CES1: variants seen among roughly 807,000 people sequenced by gnomAD.
CES1 encodes the protein liver carboxylesterase 1.
In CES1, 50 loss-of-function variants were observed where a neutral mutation model predicts 53.0. The observed-to-expected ratio is 0.94, with a 90% CI of 0.75 to 1.19. The LOEUF is 1.19. Ranked by LOEUF, CES1 falls within the 50% of genes most tolerant of loss-of-function variation. The pLI is 0.00. For synonymous variants in CES1, 202 were observed against 210.1 expected (o/e 0.96, Z 0.33); for missense variants, 534 against 538.0 (o/e 0.99, Z 0.07).
chr16:55,818,499 G>A (rs1328026349), intron 7 of CES1, among the ~76,000 whole-genome samples: 6 of 152,156 alleles, frequency 3.9e-5, no homozygotes, highest in African/African-American at 1.4e-4. Context: ...AAGATAAGGT[G>A]GAGTCAGGAT....
intron 6 of CES1, chr16:55,820,016 G>A: frequency 1.8e-6 from 1 of 547,628 alleles, no homozygotes; most frequent in Non-Finnish European, 3.3e-6. Flanking sequence ...GACCCAGAGA[G>A]ACACAAGACA....
At chr16:55,821,584 A>G in intron 4 of CES1, 63 bp from the exon 5 acceptor site, 1 of 1,578,764 alleles carries the variant, frequency 6.3e-7, no homozygotes, top group Non-Finnish European at 8.7e-7. Flanking sequence ...CTTCAGGACC[A>G]CAGATGGGGC....
intron 11 of CES1, among the ~76,000 whole-genome samples, chr16:55,808,392 A>G (rs1418093349): frequency 6.6e-6 from 1 of 152,220 alleles, no homozygotes; most frequent in Non-Finnish European, 1.5e-5. Context: ...AAGCAGAGAC[A>G]ATGAGAGGGC....
intron 7 of CES1, 142 bp downstream of exon 7, chr16:55,819,393 A>G: frequency 2.8e-6 from 2 of 726,442 alleles, no homozygotes; most frequent in Non-Finnish European, 4.9e-6. Flanking sequence ...TTACAATAAA[A>G]AAGGACAAAT....
At chr16:55,810,790 T>C in intron 10 of CES1, 126 bp from the exon 11 acceptor site, 2 of 1,435,340 alleles carry the variant, frequency 1.4e-6, no homozygotes, top group Admixed American at 3.4e-5. Flanking sequence ...GGGTGGAAAA[T>C]GAAGTGGGAA....
At chr16:55,814,811 G>A (rs1249233180) in intron 8 of CES1, among the ~76,000 whole-genome samples, 5 of 152,232 alleles carry the variant, frequency 3.3e-5, no homozygotes, top group African/African-American at 7.2e-5. Context: ...GGACTGCCTG[G>A]GGGAGATGTT....
intron 2 of CES1, chr16:55,827,989 A>G (rs1399895114): frequency 2.0e-5 from 3 of 152,186 alleles, no homozygotes; most frequent in African/African-American, 7.2e-5. Flanking sequence ...ATTTTCTGTA[A>G]TAAGTATATA....
chr16:55,816,850 T>C (rs1351274296), intron 8 of CES1, 74 bp downstream of exon 8: 1 of 1,498,146 alleles, frequency 6.7e-7, no homozygotes, highest in African/African-American at 1.4e-5. Flanking sequence ...GAGATGATTC[T>C]TTCACTCACA....
chr16:55,822,960 C>T (rs1240445886), intron 4 of CES1, among the ~76,000 whole-genome samples: 4 of 152,114 alleles, frequency 2.6e-5, no homozygotes, highest in South Asian at 4.1e-4. Context: ...GATCTGACTC[C>T]TGTCCCCATG....
chr16:55,831,577 C>T (rs1298090414), intron 1 of CES1, among the ~76,000 whole-genome samples: 2 of 150,364 alleles, frequency 1.3e-5, no homozygotes, highest in Non-Finnish European at 3.0e-5. Context: ...TCAACATGCC[C>T]ATTTTACAGA....
Position 55,810,831 on chromosome 16 carries a change from C to G in CES1, c.1170+96G>C, listed in dbSNP as rs1375381883. 9 of 1,407,278 alleles carry G rather than the reference C, an allele frequency of 6.4e-6. No homozygotes were observed. The African/African-American group carries it at 1.3e-4, about 20-fold the overall frequency. 87.2% of individuals were successfully genotyped at this position (1,407,278 alleles called of 1,614,324 possible). On this transcript the variant is annotated intron_variant, in intron 10 of 13. Coordinates refer to ENST00000360526, the MANE Select transcript of CES1 (RefSeq NM_001025195.2). Reference sequence around the variant, plus strand: ...GAAAGATGGGGGAAACCCTGAGGCCCCAGTCTTCATTCTGCCATTTAATTG... The same window carrying G: ...GAAAGATGGGGGAAACCCTGAGGCCGCAGTCTTCATTCTGCCATTTAATTG...
chr16:55,810,760 C>A, intron 10 of CES1, 96 bp from the exon 11 acceptor site: 2 of 1,494,776 alleles, frequency 1.3e-6, no homozygotes, highest in Non-Finnish European at 1.9e-6. Flanking sequence ...ACCCCATAAG[C>A]CCTGTGCAAC....
intron 11 of CES1, among the ~76,000 whole-genome samples, chr16:55,808,485 C>T (rs1468979638): frequency 7.2e-5 from 11 of 152,188 alleles, no homozygotes; most frequent in Non-Finnish European, 1.5e-4. Flanking sequence ...AAGTGTTATG[C>T]TAATTTTTAA....
chr16:55,825,624 G>T (rs2032386310), intron 3 of CES1, among the ~76,000 whole-genome samples: 1 of 152,238 alleles, frequency 6.6e-6, no homozygotes, highest in Admixed American at 6.5e-5. Context: ...CCAGATGAAT[G>T]TTGCTGTGCT....
chr16:55,819,384 TACAATA>T (rs1394631805), intron 7 of CES1, 145 bp downstream of exon 7: 6 of 707,552 alleles, frequency 8.5e-6, no homozygotes, highest in Non-Finnish European at 1.5e-5. Flanking sequence ...TGTGGCATTT[TACAATA>T]AAAAAGGACA....
rs150574118 is a variant in CES1 at position 55,830,713 on chromosome 16, G to A, written c.53-1739C>T. ...GGCTCCTCCAGAGAGAGAGAAGAAG[G>A]AAAGAAGGAAAGGAAAGATGGAAGG... is the stretch of plus-strand genomic sequence containing the variant. On this transcript the variant is annotated intron_variant, in intron 1 of 13. Coordinates refer to ENST00000360526, the MANE Select transcript of CES1 (RefSeq NM_001025195.2). Among the ~76,000 whole-genome samples the A allele has an allele frequency of 2.5e-4, 38 of 151,174 alleles. No individual in the cohort carries two copies. The East Asian group carries it at 7.2e-3, about 29-fold the overall frequency.
intron 10 of CES1, 74 bp from the exon 11 acceptor site, chr16:55,810,738 C>A (rs2031653083): frequency 5.1e-6 from 8 of 1,567,112 alleles, no homozygotes; most frequent in Non-Finnish European, 7.0e-6. Flanking sequence ...GAAAGTCCTG[C>A]CTCAATGGTG....
At chr16:55,812,830 G>T in intron 9 of CES1, 73 bp downstream of exon 9, 1 of 1,597,302 alleles carries the variant, frequency 6.3e-7, no homozygotes, top group South Asian at 1.1e-5. Context: ...GGAGAGGGAA[G>T]CATTCCTGGG....
intron 1 of CES1, among the ~76,000 whole-genome samples, chr16:55,831,155 G>GA (rs140779133): frequency 9.3e-5 from 14 of 150,184 alleles, no homozygotes; most frequent in South Asian, 2.1e-4. Context: ...AGAGGGAAGA[G>GA]AAAAAAAAAC....
Sources: gnomAD v4.1 joint callset for allele counts (sites outside exome capture counted in the v4.1 genomes callset) on GRCh38, gnomAD v4.1.1 for gene constraint, MANE v1.5 for transcripts, NCBI Gene and HGNC (gene_info 2026-07-23, HGNC 2026-07-21) for gene names.